CD8A: variants seen among roughly 807,000 people sequenced by gnomAD.
CD8A encodes T-cell surface glycoprotein CD8 alpha chain.
CD8A carries 25 observed loss-of-function variants against 24.2 expected under a neutral mutation model. The ratio of observed to expected loss-of-function variants is 1.03; its 90% CI spans 0.75 to 1.44. The LOEUF (loss-of-function observed/expected upper bound fraction) is 1.44, where lower values mean the gene tolerates loss of function less well. CD8A is among the 40% of genes most tolerant of loss of function. The probability of loss-of-function intolerance (pLI) is 0.00; values close to 1 mark genes in which losing one functional copy is unlikely to be tolerated. For missense variants in CD8A, 360 were observed against 319.7 expected, an observed-to-expected ratio of 1.13 and a Z score of -0.96; for synonymous variants, 165 against 149.9, an observed-to-expected ratio of 1.10 and a Z score of -0.74.
In CD8A at chr2:86,788,589, G is replaced by A. The variant is rs778187467; in HGVS notation, c.626-29C>T. 3.7e-6 allele frequency: 6 copies of A among 1,603,442 alleles called. No individual in the cohort carries two copies. In the African/African-American group the frequency reaches 8.0e-5, roughly 21 times the overall value. The stretch of plus-strand genomic sequence containing the variant: ...GATAAGGAAAAAGAAGGGAAAAAGT[G>A]AGTGCCCCTATCCATCAATAGTCCC... On this transcript the variant is annotated intron_variant, in intron 4 of 5. Coordinates refer to ENST00000283635, the MANE Select transcript of CD8A (RefSeq NM_001768.7).
At chr2:86,790,720 G>GGGGCCCC (rs2104441130) in intron 1 of CD8A, 39 bp from the exon 2 acceptor site, 11 of 1,516,492 alleles carry the variant, frequency 7.3e-6, no homozygotes, top group Non-Finnish European at 9.7e-6. Flanking sequence ...CCGCAGTCCC[G>GGGGCCCC]CGCCCCCCGC....
chr2:86,805,237 G>A (rs1368877708), intron 2 of CD8A, among the ~76,000 whole-genome samples: 1 of 152,084 alleles, frequency 6.6e-6, no homozygotes, highest in Non-Finnish European at 1.5e-5. Context: ...TTTGGGCTGG[G>A]TTTTGCTGTT....
chr2:86,786,431 C>A (rs1055490003), intron 5 of CD8A, among the ~76,000 whole-genome samples: 3 of 152,176 alleles, frequency 2.0e-5, no homozygotes, highest in African/African-American at 7.2e-5. Flanking sequence ...ACGCTAAAAA[C>A]GTGTTAATTC....
intron 3 of CD8A, among the ~76,000 whole-genome samples, chr2:86,797,470 A>G (rs1262951241): frequency 6.6e-6 from 1 of 152,066 alleles, no homozygotes; most frequent in Non-Finnish European, 1.5e-5. Context: ...TGTGGCAGGT[A>G]GAGATTGTAA....
At chr2:86,804,795 T>TC (rs1673787523) in intron 2 of CD8A, among the ~76,000 whole-genome samples, 1 of 79,056 alleles carries the variant, frequency 1.3e-5, no homozygotes, top group Non-Finnish European at 2.9e-5. Context: ...TTGCTAAATC[T>TC]TTTTTTTTTT....
At chr2:86,790,997 C>T (rs979496521), upstream of CD8A, 1 of 764,156 alleles carries the variant, frequency 1.3e-6, no homozygotes, top group Non-Finnish European at 2.3e-6. Context: ...GAGTCACCCT[C>T]CTTTTCGCGG....
chr2:86,790,774 C>G lies in CD8A; in HGVS notation c.49+3G>C. ...CCTGCCTTCCCGGGCGTCTCAAACTCACGGAGCAGCAAGGCCAGCGGCAGG... is the reference window on the plus strand; with the variant it reads ...CCTGCCTTCCCGGGCGTCTCAAACTGACGGAGCAGCAAGGCCAGCGGCAGG... On this transcript the variant is annotated splice_donor_region_variant and intron_variant, in intron 1 of 5. Transcript: ENST00000283635. 6.7e-7 allele frequency: 1 copy of G among 1,481,526 alleles called. No individual in the cohort carries two copies. The highest frequency in any genetic ancestry group is 1.2e-5 in the South Asian group (1 of 83,000). 91.8% of individuals were successfully genotyped at this position (1,481,526 alleles called of 1,614,324 possible).
Position 86,790,827 on chromosome 2 carries a change from A to T in CD8A, c.-2T>A. ...CAAGGCGGTCACTGGTAAGGCCATG[A>T]CGCGCTCCCCAGGACGCTGCTTGGC... On this transcript the variant is annotated 5_prime_UTR_variant, in exon 1 of 6. Coordinates refer to ENST00000283635, the MANE Select transcript of CD8A (RefSeq NM_001768.7). The T allele has an allele frequency of 6.5e-7, 1 of 1,545,232 alleles. No individual in the cohort carries two copies. The highest frequency in any genetic ancestry group is 8.7e-7 in the Non-Finnish European group (1 of 1,149,536).
At chr2:86,804,607 G>T (rs1367105085) in intron 2 of CD8A, among the ~76,000 whole-genome samples, 3 of 151,890 alleles carry the variant, frequency 2.0e-5, no homozygotes, top group Admixed American at 2.0e-4. Context: ...CAATAAATTA[G>T]TATTATTATT....
At chr2:86,786,218 C>T (rs1672991057) in intron 5 of CD8A, among the ~76,000 whole-genome samples, 1 of 152,158 alleles carries the variant, frequency 6.6e-6, no homozygotes, top group South Asian at 2.1e-4. Context: ...TTAAACTTGC[C>T]CAAGGTCACA....
rs753106679 is a variant in CD8A, at chr2:86,784,689, A to T, written c.*1231T>A. 4.5e-6 allele frequency: 2 copies of T among 449,350 alleles called. No individual in the cohort carries two copies. Among genetic ancestry groups the T allele is most frequent in the South Asian group, 1.6e-5 (1 of 63,684 alleles). 27.8% of individuals were successfully genotyped at this position (449,350 alleles called of 1,614,324 possible). A position where few individuals can be genotyped will look rare whatever the true frequency, so the allele number is the denominator to read the frequency against. On this transcript the variant is annotated 3_prime_UTR_variant, in exon 6 of 6. Coordinates refer to ENST00000283635, the MANE Select transcript of CD8A (RefSeq NM_001768.7). ...ATAACAGCATAGTACAACCCTATTTAAAAAAGAAAGACATATTTTACATGT... is the reference window on the plus strand; with the variant it reads ...ATAACAGCATAGTACAACCCTATTTTAAAAAGAAAGACATATTTTACATGT...
At chr2:86,795,803 T>A (rs934943655), upstream of CD8A, among the ~76,000 whole-genome samples, 1 of 152,058 alleles carries the variant, frequency 6.6e-6, no homozygotes, top group Non-Finnish European at 1.5e-5. Flanking sequence ...CCCTGGAAAG[T>A]CAGAGGCTAC....
intron 2 of CD8A, among the ~76,000 whole-genome samples, chr2:86,806,689 T>C (rs1343288405): frequency 6.6e-6 from 1 of 152,182 alleles, no homozygotes; most frequent in African/African-American, 2.4e-5. Context: ...GAGACCGGCC[T>C]GGGCCACATA....
At chr2:86,786,051 A>G in intron 5 of CD8A, 80 bp from the exon 6 acceptor site, 1 of 1,127,968 alleles carries the variant, frequency 8.9e-7, no homozygotes, top group Admixed American at 1.7e-5. Flanking sequence ...CAGCCTCCCA[A>G]TCCCCCAGCC....
chr2:86,791,585 C>T (rs1286016862), upstream of CD8A: 1 of 454,112 alleles, frequency 2.2e-6, no homozygotes, highest in Non-Finnish European at 4.4e-6. Context: ...ATCAGTCCTC[C>T]AGCCACGTTG....
chr2:86,786,085 C>A (rs1672987277), intron 5 of CD8A, 114 bp from the exon 6 acceptor site: 4 of 839,508 alleles, frequency 4.8e-6, no homozygotes, highest in Middle Eastern at 2.8e-4. Context: ...AGAACCTGTT[C>A]CTGGGGCACC....
Position 86,784,845 on chromosome 2 carries a change from G to A in CD8A, c.*1075C>T, listed in dbSNP as rs1672930004. ...TCTCTCCAATGGGCAGGCATTGCTTGTACCATACCTTAAGCAAGGAAGTGC... is the reference window on the plus strand; with the variant it reads ...TCTCTCCAATGGGCAGGCATTGCTTATACCATACCTTAAGCAAGGAAGTGC... On this transcript the variant is annotated 3_prime_UTR_variant, in exon 6 of 6. Coordinates refer to ENST00000283635, the MANE Select transcript of CD8A (RefSeq NM_001768.7). The A allele has an allele frequency of 2.2e-6, 1 of 453,960 alleles. No homozygotes were observed. Among genetic ancestry groups the A allele is most frequent in the Non-Finnish European group, 4.4e-6 (1 of 226,784 alleles). The allele number at this position is 453,960 out of a possible 1,614,324, so 28.1% of individuals were successfully genotyped here.
chr2:86,790,221 G>C lies in CD8A; in HGVS notation c.403+107C>G, dbSNP rs1230964996. On this transcript the variant is annotated intron_variant, in intron 2 of 5. Coordinates refer to ENST00000283635, the MANE Select transcript of CD8A (RefSeq NM_001768.7). ...GTGAAATGGGAACAGTATCTAAGTC[G>C]CTTCCAGGTGCGCTAAGAGGCTTGA... The C allele has an allele frequency of 7.2e-6, 6 of 828,666 alleles. No homozygotes were observed. The East Asian group carries it at 1.3e-4, about 17-fold the overall frequency. 51.3% of individuals were successfully genotyped at this position (828,666 alleles called of 1,614,324 possible). A position where few individuals can be genotyped will look rare whatever the true frequency, so the allele number is the denominator to read the frequency against.
intron 3 of CD8A, among the ~76,000 whole-genome samples, chr2:86,799,219 T>TAAACAA (rs1558739104): frequency 6.6e-6 from 1 of 152,224 alleles, no homozygotes; most frequent in Non-Finnish European, 1.5e-5. Flanking sequence ...AACAAGTCCC[T>TAAACAA]GTGTTTAGGC....
Sources: allele counts gnomAD v4.1 joint callset (sites outside exome capture counted in the v4.1 genomes callset), GRCh38; gene constraint gnomAD v4.1.1; transcripts MANE v1.5; gene names NCBI Gene and HGNC (gene_info 2026-07-23, HGNC 2026-07-21).